The following SYNE2 variants were observed in gnomAD, a reference collection of about 807,000 sequenced individuals.
SYNE2 encodes nesprin-2.
In SYNE2, 431 loss-of-function variants were observed where a neutral mutation model predicts 856.3. That is an observed-to-expected ratio of 0.50 (90% CI 0.47 to 0.55). The LOEUF (loss-of-function observed/expected upper bound fraction) is 0.55. Ranked by LOEUF, SYNE2 falls within the 20% of genes least tolerant of loss-of-function variation. SYNE2 has a pLI of 0.00. For missense variants in SYNE2, 8,129 were observed against 8,023.2 expected, an observed-to-expected ratio of 1.01 and a Z score of -0.50; for synonymous variants, 2,923 against 2,872.3, an observed-to-expected ratio of 1.02 and a Z score of -0.56.
chr14:64,022,035 G>C lies in SYNE2; in HGVS notation c.5524+7G>C. 6.2e-7 allele frequency: 1 copy of C among 1,612,744 alleles called. No homozygotes were observed. Among genetic ancestry groups the C allele is most frequent in the Non-Finnish European group, 8.5e-7 (1 of 1,179,082 alleles). ...TTTTCTAAGTTATTGAATGGTGAGTGCAACATTTCTCTTATTTTGTTTCTG... is the reference window on the plus strand; with the variant it reads ...TTTTCTAAGTTATTGAATGGTGAGTCCAACATTTCTCTTATTTTGTTTCTG... On this transcript the variant is annotated splice_region_variant and intron_variant, in intron 37 of 115. Coordinates refer to ENST00000555002, the MANE Select transcript of SYNE2 (RefSeq NM_182914.3).
Position 63,991,018 on chromosome 14 carries a change from TGGAAGAATCCCAGAA to T in SYNE2, c.2554_2568del (p.Glu852_Glu856del). On this transcript the variant is annotated inframe_deletion, in exon 21 of 116. Coordinates refer to ENST00000555002, the MANE Select transcript of SYNE2 (RefSeq NM_182914.3). Reference sequence around the variant, plus strand: ...CCAGATTTGGACATCAGGCTGAAGATGGAAGAATCCCAGAAGGAACTTGAATCATATATGATGAGG... The same window carrying T: ...CCAGATTTGGACATCAGGCTGAAGATGGAACTTGAATCATATATGATGAGG... 6.2e-7 allele frequency: 1 copy of T among 1,614,186 alleles called. No homozygotes were observed. The highest frequency in any genetic ancestry group is 8.5e-7 in the Non-Finnish European group (1 of 1,180,012).
chr14:64,024,203 A>C (rs1450183970), intron 38 of SYNE2, 54 bp from the exon 39 acceptor site: 1 of 1,541,548 alleles, frequency 6.5e-7, no homozygotes, highest in East Asian at 2.3e-5. Context: ...AGGGTGGCAG[A>C]GACCACATTC....
Position 64,053,647 on chromosome 14 carries a change from AT to A in SYNE2, c.9737del (p.Leu3246CysfsTer6). The A allele has an allele frequency of 1.2e-6, 2 of 1,613,176 alleles. No individual in the cohort carries two copies. The highest frequency in any genetic ancestry group is 1.7e-6 in the Non-Finnish European group (2 of 1,179,376). On this transcript the variant is annotated frameshift_variant, in exon 48 of 116. Coordinates refer to ENST00000555002, the MANE Select transcript of SYNE2 (RefSeq NM_182914.3). LOFTEE classifies it high-confidence loss of function. ...DLQMQLNTSIDLRTNVLNDAY... is the reference protein window; with the variant it reads ...DLQMQLNTSIXLRTNVLNDAY... ...CAGATGCAGCTTAACACAAGCATTG[AT>A]TTGCGCACAGTAAGTTTTAAAAATT... is the stretch of plus-strand genomic sequence containing the variant.
chr14:64,145,935 A>T (rs1019259370), intron 83 of SYNE2, 133 bp from the exon 84 acceptor site: 13 of 584,302 alleles, frequency 2.2e-5, no homozygotes, highest in Non-Finnish European at 3.1e-5. Context: ...TTCAAAAGTT[A>T]TCAGAGCATC....
chr14:64,071,674 C>A (rs1012087782), intron 52 of SYNE2, among the ~76,000 whole-genome samples: 4 of 152,094 alleles, frequency 2.6e-5, no homozygotes, highest in Non-Finnish European at 5.9e-5. Context: ...GAGTAATTTA[C>A]CAGCAAATCA....
At position 64,188,334 on chromosome 14, in the gene SYNE2, G is replaced by T. The variant is rs74474736; in HGVS notation, c.17713-216G>T. Among the ~76,000 whole-genome samples the T allele has an allele frequency of 3.9e-4, 59 of 152,250 alleles. No individual in the cohort carries two copies. In the East Asian group the frequency reaches 9.4e-3, roughly 24 times the overall value. ...ATCCTTCCAATCAGCTACATTTCAG[G>T]TACAGTATTTATTTTGTTATTTTTT... On this transcript the variant is annotated intron_variant, in intron 97 of 115. Transcript: ENST00000555002.
At chr14:64,182,451 C>G (rs529984810) in intron 96 of SYNE2, among the ~76,000 whole-genome samples, 36 of 151,586 alleles carry the variant, frequency 2.4e-4, no homozygotes, top group East Asian at 1.9e-3. Flanking sequence ...GGATTTGGCA[C>G]GGTCATAGGA....
In SYNE2 at chr14:64,160,308, C is replaced by G. The variant is rs536192552; in HGVS notation, c.16094+866C>G. On this transcript the variant is annotated intron_variant, in intron 87 of 115. Transcript: ENST00000555002. ...AGTTGTTACGCTGCACGTACACATT[C>G]ACTTGTTGGCACAAGAATATGTTGG... Among the ~76,000 whole-genome samples, 5 of 152,320 alleles carry G rather than the reference C, an allele frequency of 3.3e-5. No individual in the cohort carries two copies. In the East Asian group the frequency reaches 9.6e-4, roughly 29 times the overall value.
chr14:63,904,155 A>G (rs1277495010), intron 1 of SYNE2, among the ~76,000 whole-genome samples: 1 of 152,140 alleles, frequency 6.6e-6, no homozygotes, highest in Non-Finnish European at 1.5e-5. Context: ...CTATGATTTT[A>G]TTCTTTTTTA....
intron 3 of SYNE2, 52 bp downstream of exon 3, chr14:63,940,727 A>C: frequency 2.6e-6 from 4 of 1,539,902 alleles, no homozygotes; most frequent in Non-Finnish European, 2.7e-6. Flanking sequence ...TACTCCCCCT[A>C]CTCCTTCTGT....
chr14:64,173,211 G>T (rs973078837), intron 94 of SYNE2, among the ~76,000 whole-genome samples: 1 of 152,098 alleles, frequency 6.6e-6, no homozygotes, highest in Non-Finnish European at 1.5e-5. Flanking sequence ...TTGGAGTGTC[G>T]GTTTGTGAGT....
chr14:64,186,404 C>G lies in SYNE2; in HGVS notation c.17557-20C>G. The G allele has an allele frequency of 1.2e-6, 2 of 1,613,492 alleles. No individual in the cohort carries two copies. The highest frequency in any genetic ancestry group is 2.2e-5 in the South Asian group (2 of 91,058). ...GCTTGAGTTGAAGGCTTTTTACCCC[C>G]TTCTTGTGATTAAATGCAGGAACTA... is the stretch of plus-strand genomic sequence containing the variant. On this transcript the variant is annotated intron_variant, in intron 96 of 115. Coordinates refer to ENST00000555002, the MANE Select transcript of SYNE2 (RefSeq NM_182914.3).
chr14:64,185,721 A>G (rs2098486094), intron 96 of SYNE2, among the ~76,000 whole-genome samples: 1 of 151,826 alleles, frequency 6.6e-6, no homozygotes, highest in East Asian at 1.9e-4. Context: ...GGGTTTCATC[A>G]TGTTGGCCAG....
chr14:64,223,412 A>G, intron 113 of SYNE2, 32 bp downstream of exon 113: 2 of 1,610,714 alleles, frequency 1.2e-6, no homozygotes, highest in Non-Finnish European at 1.7e-6. Flanking sequence ...AACTGTAAAG[A>G]TTGCCGTATT....
rs552479106 is a variant in SYNE2 at position 64,214,334 on chromosome 14, A to G, written c.19197A>G (p.Pro6399=). The change falls in exon 106 of 116, where the codon CCA becomes CCG. Residue 6399 remains proline (P), a synonymous_variant. Coordinates refer to ENST00000555002, the MANE Select transcript of SYNE2 (RefSeq NM_182914.3). The part of the protein sequence containing the change: ...SPQSLCHLVA[P]GHERSGCETP... ...AGTCCCTGTGTCATCTAGTGGCCCCAGGGCACGAGCGGTCTGGCTGCGAGA... is the reference window on the plus strand; with the variant it reads ...AGTCCCTGTGTCATCTAGTGGCCCCGGGGCACGAGCGGTCTGGCTGCGAGA... The G allele has an allele frequency of 3.1e-6, 5 of 1,614,156 alleles. No individual in the cohort carries two copies. Among genetic ancestry groups the G allele is most frequent in the Non-Finnish European group, 4.2e-6 (5 of 1,180,022 alleles).
At chr14:64,150,331 C>A (rs1054211632) in intron 84 of SYNE2, among the ~76,000 whole-genome samples, 1 of 141,128 alleles carries the variant, frequency 7.1e-6, no homozygotes, top group Non-Finnish European at 1.5e-5. Flanking sequence ...AGGATCCTCC[C>A]GCCTCAGCCT....
At chr14:63,874,851 T>C (rs1197803948) in intron 1 of SYNE2, among the ~76,000 whole-genome samples, 5 of 152,192 alleles carry the variant, frequency 3.3e-5, no homozygotes, top group Non-Finnish European at 7.3e-5. Flanking sequence ...CTTGCATTTC[T>C]TGCCAAATAA....
At chr14:63,813,087 G>T (rs2139832050) in intron 1 of SYNE2, among the ~76,000 whole-genome samples, 1 of 152,254 alleles carries the variant, frequency 6.6e-6, no homozygotes, top group South Asian at 2.1e-4. Flanking sequence ...CCAGTCATTT[G>T]CTTGGCTTCC....
Position 64,055,935 on chromosome 14 carries a change from AT to A in SYNE2, c.9745-7del, listed in dbSNP as rs1567173042. 3 of 1,610,986 alleles carry A rather than the reference AT, an allele frequency of 1.9e-6. No individual in the cohort carries two copies. Among genetic ancestry groups the A allele is most frequent in the Admixed American group, 3.3e-5 (2 of 59,934 alleles). On this transcript the variant is annotated splice_polypyrimidine_tract_variant and splice_region_variant and intron_variant, in intron 48 of 115. Transcript: ENST00000555002. ...ATTTTGTCACAGCATTTAATCTCCT[AT>A]TCACTAGAATGTCTTGAATGATGCT...
Sources: gnomAD v4.1 joint callset for allele counts (sites outside exome capture counted in the v4.1 genomes callset) on GRCh38, gnomAD v4.1.1 for gene constraint, MANE v1.5 for transcripts, NCBI Gene and HGNC (gene_info 2026-07-23, HGNC 2026-07-21) for gene names.